Variants in PLEKHA5 observed in about 807,000 individuals in gnomAD.
PLEKHA5 encodes pleckstrin homology domain-containing family A member 5.
PLEKHA5 carries 55 observed loss-of-function variants against 181.9 expected under a neutral mutation model. The ratio of observed to expected loss-of-function variants is 0.30; its 90% CI spans 0.24 to 0.38. The LOEUF (loss-of-function observed/expected upper bound fraction) is 0.38. Ranked by LOEUF, PLEKHA5 falls within the 10% of genes least tolerant of loss-of-function variation. The pLI is 1.00. For synonymous variants in PLEKHA5, 535 were observed against 529.4 expected (o/e 1.01, Z -0.15); for missense variants, 1,432 against 1,549.5 (o/e 0.92, Z 1.27).
intron 3 of PLEKHA5, among the ~76,000 whole-genome samples, chr12:19,161,305 C>T (rs568139413): frequency 6.7e-4 from 102 of 152,256 alleles, no homozygotes; most frequent in African/African-American, 2.4e-3. Flanking sequence ...CCCTTCCCCC[C>T]ACAGCTTATT....
At chr12:19,279,836 T>G (rs2075608756) in intron 11 of PLEKHA5, among the ~76,000 whole-genome samples, 2 of 152,026 alleles carry the variant, frequency 1.3e-5, no homozygotes, top group South Asian at 4.2e-4. Context: ...GATCAACCAC[T>G]TTTCCTGTTT....
In PLEKHA5 at chr12:19,251,739, CAAAAAAAAAAAAA is replaced by C. The variant is rs374276545; in HGVS notation, c.228-2189_228-2177del. Among the ~76,000 whole-genome samples the C allele has an allele frequency of 1.6e-3, 103 of 65,638 alleles. 1 individual carries two copies. The highest frequency in any genetic ancestry group is 4.0e-3 in the East Asian group (8 of 1,986). 43.1% of individuals were successfully genotyped at this position (65,638 alleles called of 152,430 possible). A position where few individuals can be genotyped will look rare whatever the true frequency, so the allele number is the denominator to read the frequency against. On this transcript the variant is annotated intron_variant, in intron 3 of 31. Transcript: ENST00000429027. ...CTTGATCTGAATTTTGAGGCCCATC[CAAAAAAAAAAAAA>C]AAAAAAAAAAACTTGTGAAATGCAG... is the stretch of plus-strand genomic sequence containing the variant.
At chr12:19,248,129 A>G (rs569975004) in intron 3 of PLEKHA5, among the ~76,000 whole-genome samples, 1 of 152,228 alleles carries the variant, frequency 6.6e-6, no homozygotes, top group East Asian at 1.9e-4. Context: ...AGGCTGAGGT[A>G]AGAGGACTGC....
chr12:19,337,810 G>A (rs1403512249), intron 21 of PLEKHA5, among the ~76,000 whole-genome samples: 4 of 151,764 alleles, frequency 2.6e-5, no homozygotes, highest in Admixed American at 2.6e-4. Context: ...AATTAGCCAG[G>A]ATCACGAGGT....
intron 12 of PLEKHA5, 41 bp from the exon 13 acceptor site, chr12:19,287,432 A>G (rs774460379): frequency 3.0e-5 from 38 of 1,252,584 alleles, no homozygotes; most frequent in South Asian, 2.8e-4. Context: ...AAGAAAAAAA[A>G]AACTTTACCA....
intron 23 of PLEKHA5, 27 bp from the exon 24 acceptor site, chr12:19,346,967 A>C: frequency 6.8e-7 from 1 of 1,472,902 alleles, no homozygotes; most frequent in Non-Finnish European, 9.2e-7. Flanking sequence ...GCTTATCTAA[A>C]TAAGGTGACT....
intron 29 of PLEKHA5, among the ~76,000 whole-genome samples, chr12:19,364,196 C>G (rs2095350306): frequency 6.6e-6 from 1 of 152,046 alleles, no homozygotes; most frequent in African/African-American, 2.4e-5. Flanking sequence ...AGAAGAATTT[C>G]AAGTGGGAGT....
At chr12:19,317,333 G>A (rs1288002015) in intron 16 of PLEKHA5, among the ~76,000 whole-genome samples, 1 of 151,942 alleles carries the variant, frequency 6.6e-6, no homozygotes, top group East Asian at 1.9e-4. Context: ...TAGCCTGGTG[G>A]GTGACAGAAT....
intron 3 of PLEKHA5, among the ~76,000 whole-genome samples, chr12:19,208,426 A>AT (rs1184138631): frequency 6.7e-6 from 1 of 149,810 alleles, no homozygotes; most frequent in Admixed American, 6.7e-5. Flanking sequence ...AAAAAAGTTC[A>AT]TTTTTTCACT....
At chr12:19,222,657 G>T (rs1009709880) in intron 3 of PLEKHA5, among the ~76,000 whole-genome samples, 1 of 152,152 alleles carries the variant, frequency 6.6e-6, no homozygotes, top group African/African-American at 2.4e-5. Flanking sequence ...GACCCACAGG[G>T]ATGTGTAAAT....
chr12:19,283,600 A>T lies in PLEKHA5; in HGVS notation c.1634A>T (p.His545Leu). 6.2e-7 allele frequency: 1 copy of T among 1,614,026 alleles called. No homozygotes were observed. Among genetic ancestry groups the T allele is most frequent in the Non-Finnish European group, 8.5e-7 (1 of 1,179,962 alleles). The change falls in exon 12 of 32, where the codon CAC (histidine) becomes CTC (leucine). Residue 545 changes from histidine to leucine, a missense_variant. By Grantham distance (99) the His-to-Leu change is moderately conservative. Transcript: ENST00000429027. The stretch of plus-strand genomic sequence containing the variant: ...GTAAATATTTCTGACCAGACAATGC[A>T]CTCTATTCCCACATCACCTTCCCAC... The part of the protein sequence containing the change: ...TMVNISDQTM[H>L]SIPTSPSHGS...
At chr12:19,178,953 T>C (rs1407190204) in intron 3 of PLEKHA5, among the ~76,000 whole-genome samples, 2 of 152,206 alleles carry the variant, frequency 1.3e-5, no homozygotes, top group African/African-American at 4.8e-5. Flanking sequence ...TCCTAGTTGG[T>C]TTATTCTACT....
intron 15 of PLEKHA5, among the ~76,000 whole-genome samples, chr12:19,297,463 A>C (rs1399351002): frequency 6.6e-6 from 1 of 151,200 alleles, no homozygotes; most frequent in Admixed American, 6.6e-5. Context: ...TCTACTAAAA[A>C]TACAAAAAAT....
chr12:19,319,891 ACTAACACACATAAACTTTTT>A, intron 16 of PLEKHA5, 110 bp from the exon 17 acceptor site: 1 of 539,756 alleles, frequency 1.9e-6, no homozygotes, highest in East Asian at 3.7e-5. Context: ...AATGGAGTCA[ACTAACACACATAAACTTTTT>A]ATGAAATTTG....
intron 8 of PLEKHA5, among the ~76,000 whole-genome samples, chr12:19,266,201 C>A (rs1323411469): frequency 6.6e-6 from 1 of 151,938 alleles, no homozygotes; most frequent in African/African-American, 2.4e-5. Context: ...AATTTGGGGT[C>A]TGGGCACAGT....
chr12:19,198,643 T>G (rs372054863), intron 3 of PLEKHA5, among the ~76,000 whole-genome samples: 15 of 152,294 alleles, frequency 9.8e-5, no homozygotes, highest in African/African-American at 3.6e-4. Flanking sequence ...TAGTAGATAT[T>G]TGTGGAATGA....
intron 18 of PLEKHA5, among the ~76,000 whole-genome samples, chr12:19,322,093 G>A (rs957599722): frequency 1.3e-5 from 2 of 152,078 alleles, no homozygotes; most frequent in African/African-American, 2.4e-5. Flanking sequence ...AATCCAGTAA[G>A]CATTTTAATT....
At chr12:19,335,841 A>G (rs1293885393) in intron 20 of PLEKHA5, among the ~76,000 whole-genome samples, 4 of 152,096 alleles carry the variant, frequency 2.6e-5, no homozygotes, top group Non-Finnish European at 4.4e-5. Context: ...CATGTTGGCC[A>G]GGGTGGTCTC....
chr12:19,297,266 C>G (rs2080064451), intron 15 of PLEKHA5, among the ~76,000 whole-genome samples: 1 of 151,690 alleles, frequency 6.6e-6, no homozygotes, highest in Non-Finnish European at 1.5e-5. Flanking sequence ...ACGTTATCCT[C>G]AAAGTCATGG....
Sources: gnomAD v4.1 joint callset for allele counts (sites outside exome capture counted in the v4.1 genomes callset) on GRCh38, gnomAD v4.1.1 for gene constraint, MANE v1.5 for transcripts, NCBI Gene and HGNC (gene_info 2026-07-23, HGNC 2026-07-21) for gene names.